The following ZNF362 variants were observed in gnomAD, a reference collection of about 807,000 sequenced individuals.
ZNF362 encodes zinc finger protein 362, also known as rotund homolog.
ZNF362 carries 11 observed loss-of-function variants against 42.9 expected under a neutral mutation model. The observed-to-expected ratio is 0.26, with a 90% CI of 0.16 to 0.42. ZNF362 has a LOEUF of 0.42. ZNF362 is among the 20% of genes least tolerant of loss of function. The pLI, the probability that ZNF362 is intolerant of heterozygous loss-of-function variation, is 1.00. For missense variants in ZNF362, 362 were observed against 576.2 expected, an observed-to-expected ratio of 0.63 and a Z score of 3.81; for synonymous variants, 255 against 257.3, an observed-to-expected ratio of 0.99 and a Z score of 0.09.
chr1:33,167,205 C>T, the ZNF362 span, among the ~76,000 whole-genome samples: 1 of 152,232 alleles, frequency 6.6e-6, no homozygotes, highest in Non-Finnish European at 1.5e-5. The surrounding 1 kb of genome is among the most constrained non-coding windows in gnomAD (Gnocchi z 4.2). Context: ...CACAGTGGCA[C>T]CTCCTCATAC....
At chr1:33,174,817 C>G in the ZNF362 span, among the ~76,000 whole-genome samples, 109 of 152,024 alleles carry the variant, frequency 7.2e-4, 1 homozygote, top group African/African-American at 2.5e-3. Context: ...AGGGCCAGGT[C>G]TTGTGTAGTT....
chr1:33,143,661 G>T, the ZNF362 span, among the ~76,000 whole-genome samples: 1 of 152,208 alleles, frequency 6.6e-6, no homozygotes, highest in Non-Finnish European at 1.5e-5. Flanking sequence ...TGTAGATGAA[G>T]ATCCACCTGT....
At chr1:33,164,306 C>T in the ZNF362 span, 2 of 152,274 alleles carry the variant, frequency 1.3e-5, no homozygotes, top group Non-Finnish European at 2.9e-5. Flanking sequence ...CCAGGATGAC[C>T]TCCAGAGGCC....
At chr1:33,181,193 C>T in the ZNF362 span, 2 of 1,591,414 alleles carry the variant, frequency 1.3e-6, no homozygotes, top group Non-Finnish European at 1.7e-6. The surrounding 1 kb of genome is among the most constrained non-coding windows in gnomAD (Gnocchi z 6.5). Context: ...GGATGGCGTC[C>T]AGCGGGAAGG....
At chr1:33,133,335 T>G in the ZNF362 span, among the ~76,000 whole-genome samples, 1 of 152,258 alleles carries the variant, frequency 6.6e-6, no homozygotes, top group Non-Finnish European at 1.5e-5. Flanking sequence ...AATGTCACTC[T>G]TAAATGTCAC....
At chr1:33,253,449 G>A (rs1402121471), upstream of ZNF362, among the ~76,000 whole-genome samples, 1 of 151,428 alleles carries the variant, frequency 6.6e-6, no homozygotes, top group African/African-American at 2.4e-5. Flanking sequence ...AAGGGAGGGT[G>A]TTCCAGGCAG....
At chr1:33,243,619 C>T in the ZNF362 span, among the ~76,000 whole-genome samples, 25 of 148,168 alleles carry the variant, frequency 1.7e-4, no homozygotes, top group East Asian at 6.1e-4. Context: ...TTTTTTTAGA[C>T]GGAGTCTCGC....
intron 1 of ZNF362, among the ~76,000 whole-genome samples, chr1:33,258,727 C>G (rs1336512488): frequency 6.6e-6 from 1 of 152,170 alleles, no homozygotes; most frequent in Non-Finnish European, 1.5e-5. Context: ...TCACCCCCTC[C>G]TACCCCCGCC....
chr1:33,158,388 G>A, the ZNF362 span: 1 of 1,607,336 alleles, frequency 6.2e-7, no homozygotes, highest in Non-Finnish European at 8.5e-7. Context: ...GAGCAGGAAA[G>A]GGGGCTGCAC....
chr1:33,208,520 C>T, the ZNF362 span, among the ~76,000 whole-genome samples: 1 of 151,948 alleles, frequency 6.6e-6, no homozygotes, highest in Admixed American at 6.6e-5. Context: ...TTACCTTGTG[C>T]AGTATGGCCA....
At chr1:33,217,338 A>C in the ZNF362 span, among the ~76,000 whole-genome samples, 1 of 152,128 alleles carries the variant, frequency 6.6e-6, no homozygotes, top group Non-Finnish European at 1.5e-5. Context: ...TCACTGTGTA[A>C]CCTTGGCCAA....
chr1:33,159,557 C>G, the ZNF362 span: 1 of 1,338,526 alleles, frequency 7.5e-7, no homozygotes, highest in Non-Finnish European at 9.9e-7. This position sits in a 1 kb window ranked among gnomAD's most constrained non-coding sequence, Gnocchi z 4.2. Context: ...GCAGATGTCC[C>G]GTAAATGTTT....
intron 6 of ZNF362, among the ~76,000 whole-genome samples, chr1:33,291,428 C>G (rs920819346): frequency 6.6e-6 from 1 of 152,180 alleles, no homozygotes; most frequent in African/African-American, 2.4e-5. Flanking sequence ...GTCTATATCT[C>G]TGTTTTGGTA....
At chr1:33,293,213 C>A (rs935423227) in intron 6 of ZNF362, among the ~76,000 whole-genome samples, 21 of 152,208 alleles carry the variant, frequency 1.4e-4, no homozygotes, top group African/African-American at 5.1e-4. Context: ...CTGACATTTA[C>A]TGGGCAAAAG....
At chr1:33,208,537 C>T in the ZNF362 span, among the ~76,000 whole-genome samples, 4 of 151,810 alleles carry the variant, frequency 2.6e-5, no homozygotes, top group South Asian at 2.1e-4. Flanking sequence ...GCCATTTTCA[C>T]GATATTGATT....
At chr1:33,168,023 C>T in the ZNF362 span, among the ~76,000 whole-genome samples, 7 of 152,148 alleles carry the variant, frequency 4.6e-5, no homozygotes, top group African/African-American at 9.6e-5. Context: ...AATAAAGGAG[C>T]GAGGTTACCA....
intron 1 of ZNF362, among the ~76,000 whole-genome samples, chr1:33,265,919 C>G (rs375213368): frequency 4.6e-5 from 7 of 152,348 alleles, no homozygotes; most frequent in African/African-American, 1.7e-4. Context: ...ACCCCTGACC[C>G]ACGTGATGCT....
chr1:33,240,341 A>T, the ZNF362 span, among the ~76,000 whole-genome samples: 3 of 152,170 alleles, frequency 2.0e-5, no homozygotes, highest in African/African-American at 7.2e-5. Flanking sequence ...AGTAAAACAG[A>T]CTAAAATTGA....
intron 2 of ZNF362, among the ~76,000 whole-genome samples, chr1:33,273,418 C>CTGTG (rs1345000083): frequency 6.6e-6 from 1 of 152,200 alleles, no homozygotes; most frequent in Non-Finnish European, 1.5e-5. Flanking sequence ...TCTATCCCAG[C>CTGTG]TGTGGTACCC....
Sources: gnomAD v4.1 joint callset for allele counts (sites outside exome capture counted in the v4.1 genomes callset) on GRCh38, gnomAD v4.1.1 for gene constraint, Gnocchi (gnomAD v3.1) non-coding constraint, MANE v1.5 for transcripts, NCBI Gene and HGNC (gene_info 2026-07-23, HGNC 2026-07-21) for gene names.